Variants in CTNNA3 observed in about 807,000 individuals in gnomAD.
CTNNA3 encodes the protein catenin alpha 3.
In CTNNA3, 76 loss-of-function variants were observed where a neutral mutation model predicts 95.7. The observed-to-expected ratio is 0.79, with a 90% CI of 0.66 to 0.96. The LOEUF (loss-of-function observed/expected upper bound fraction) is 0.96, where lower values mean the gene tolerates loss of function less well. CTNNA3 is among the 40% of genes least tolerant of loss of function. The probability of loss-of-function intolerance (pLI) is 0.00; values close to 1 mark genes in which losing one functional copy is unlikely to be tolerated. For missense variants in CTNNA3, 1,191 were observed against 1,089.8 expected (o/e 1.09, Z -1.31); for synonymous variants, 431 against 374.4 (o/e 1.15, Z -1.74).
intron 7 of CTNNA3, among the ~76,000 whole-genome samples, chr10:66,880,859 AAGTTAC>A (rs1229313706): frequency 6.6e-6 from 1 of 152,174 alleles, no homozygotes; most frequent in Non-Finnish European, 1.5e-5. Flanking sequence ...CGTAACCCTG[AAGTTAC>A]AGCCTTACAA....
rs555007173 is a variant in CTNNA3 at position 67,274,778 on chromosome 10, T to C, written c.580-54908A>G. On this transcript the variant is annotated intron_variant, in intron 5 of 17. Coordinates refer to ENST00000433211, the MANE Select transcript of CTNNA3 (RefSeq NM_013266.4). ...AGGAGGTCAAAGCCACAGTGAGCCATGATCATGTCATGGCACTCCAGGCTG... is the reference window on the plus strand; with the variant it reads ...AGGAGGTCAAAGCCACAGTGAGCCACGATCATGTCATGGCACTCCAGGCTG... Among the ~76,000 whole-genome samples, 3 of 152,096 alleles carry C rather than the reference T, an allele frequency of 2.0e-5. No homozygotes were observed. In the South Asian group the frequency reaches 6.2e-4, roughly 32 times the overall value.
At chr10:65,976,213 C>T (rs755408350) in intron 16 of CTNNA3, among the ~76,000 whole-genome samples, 3 of 152,042 alleles carry the variant, frequency 2.0e-5, no homozygotes, top group Non-Finnish European at 4.4e-5. Flanking sequence ...ATTAAATTGT[C>T]ATTCTGATTT....
chr10:66,490,798 G>A (rs548982005), intron 11 of CTNNA3, among the ~76,000 whole-genome samples: 10 of 152,290 alleles, frequency 6.6e-5, no homozygotes, highest in African/African-American at 2.4e-4. Flanking sequence ...GCATGAGGAA[G>A]CAAGTTTCAA....
chr10:66,083,893 T>C (rs777896269), intron 14 of CTNNA3, among the ~76,000 whole-genome samples: 2 of 152,094 alleles, frequency 1.3e-5, no homozygotes, highest in Admixed American at 1.3e-4. Flanking sequence ...CCCAGCACTT[T>C]GGGAGGCCGA....
rs1326179826 is a variant in CTNNA3 at position 67,080,423 on chromosome 10, A to C, written c.1047+99894T>G. Among the ~76,000 whole-genome samples the C allele has an allele frequency of 2.6e-5, 4 of 152,208 alleles. No homozygotes were observed. In the East Asian group the frequency reaches 7.7e-4, roughly 29 times the overall value. On this transcript the variant is annotated intron_variant, in intron 7 of 17. Coordinates refer to ENST00000433211, the MANE Select transcript of CTNNA3 (RefSeq NM_013266.4). ...TTAAATAAACTGATGTTAATGAAAAAACTGAATTCTGCATATAATTCCCAC... is the reference window on the plus strand; with the variant it reads ...TTAAATAAACTGATGTTAATGAAAACACTGAATTCTGCATATAATTCCCAC...
chr10:66,714,737 T>C (rs554087427), intron 9 of CTNNA3, among the ~76,000 whole-genome samples: 1 of 152,240 alleles, frequency 6.6e-6, no homozygotes, highest in Admixed American at 6.5e-5. Context: ...GGCCCAGCCA[T>C]CTGTGTTTCA....
intron 7 of CTNNA3, among the ~76,000 whole-genome samples, chr10:66,994,568 TAAGTACCAAGGATACCTA>T (rs1464564741): frequency 6.6e-6 from 1 of 152,162 alleles, no homozygotes; most frequent in Non-Finnish European, 1.5e-5. Flanking sequence ...AAAATAGCAT[TAAGTACCAAGGATACCTA>T]AAGTTCATTA....
At chr10:66,535,519 C>A (rs1564517961) in intron 10 of CTNNA3, among the ~76,000 whole-genome samples, 1 of 152,154 alleles carries the variant, frequency 6.6e-6, no homozygotes. Flanking sequence ...ATATAGGTGA[C>A]AAACCTACAA....
At chr10:66,063,072 T>G (rs1215649728) in intron 15 of CTNNA3, among the ~76,000 whole-genome samples, 2 of 151,860 alleles carry the variant, frequency 1.3e-5, no homozygotes, top group Non-Finnish European at 2.9e-5. Context: ...GCTGTTATTT[T>G]TCCACTTTGG....
chr10:67,681,324 G>A (rs1316842203), intron 1 of CTNNA3, among the ~76,000 whole-genome samples: 1 of 152,006 alleles, frequency 6.6e-6, no homozygotes, highest in Admixed American at 6.5e-5. Context: ...GAAAAAATAG[G>A]AACAAATATT....
intron 9 of CTNNA3, among the ~76,000 whole-genome samples, chr10:66,709,815 A>G (rs1848233783): frequency 6.6e-6 from 1 of 152,096 alleles, no homozygotes; most frequent in African/African-American, 2.4e-5. Flanking sequence ...TATGTACAAT[A>G]CCAACAAACA....
At chr10:66,163,388 C>T (rs1265964226) in intron 13 of CTNNA3, among the ~76,000 whole-genome samples, 3 of 152,150 alleles carry the variant, frequency 2.0e-5, no homozygotes, top group Non-Finnish European at 4.4e-5. Flanking sequence ...GGCCTTTCTG[C>T]TGCTTTCTCT....
At chr10:66,567,154 T>C (rs1329083535) in intron 10 of CTNNA3, among the ~76,000 whole-genome samples, 2 of 124,418 alleles carry the variant, frequency 1.6e-5, no homozygotes, top group South Asian at 2.7e-4. Flanking sequence ...CTCAATATTA[T>C]GAACAGGGAA....
intron 13 of CTNNA3, among the ~76,000 whole-genome samples, chr10:66,267,499 T>C (rs957582921): frequency 1.3e-5 from 2 of 152,186 alleles, no homozygotes; most frequent in Non-Finnish European, 2.9e-5. Flanking sequence ...CTTATCACAA[T>C]GTATTCCTGT....
intron 13 of CTNNA3, among the ~76,000 whole-genome samples, chr10:66,166,884 T>G (rs2085158931): frequency 1.3e-5 from 2 of 151,746 alleles, no homozygotes; most frequent in African/African-American, 4.8e-5. Flanking sequence ...GTCGATAGAG[T>G]TCATGTAACA....
intron 11 of CTNNA3, among the ~76,000 whole-genome samples, chr10:66,448,165 A>T (rs1322269120): frequency 6.6e-6 from 1 of 152,152 alleles, no homozygotes; most frequent in Non-Finnish European, 1.5e-5. Context: ...ATCATTAAAA[A>T]GTCAGGAAAC....
intron 7 of CTNNA3, among the ~76,000 whole-genome samples, chr10:67,116,484 C>A (rs888738485): frequency 2.6e-5 from 4 of 151,856 alleles, no homozygotes; most frequent in Non-Finnish European, 5.9e-5. Flanking sequence ...CTTGGCTTCT[C>A]TGCCCTTAGT....
chr10:66,571,637 A>T (rs1183372358), intron 10 of CTNNA3, among the ~76,000 whole-genome samples: 1 of 152,214 alleles, frequency 6.6e-6, no homozygotes, highest in Non-Finnish European at 1.5e-5. Flanking sequence ...AGACTAATGA[A>T]CAAAAAGAAA....
At chr10:66,987,619 G>T (rs1002163495) in intron 7 of CTNNA3, among the ~76,000 whole-genome samples, 3 of 152,154 alleles carry the variant, frequency 2.0e-5, no homozygotes, top group Non-Finnish European at 4.4e-5. Flanking sequence ...AATCATTGAG[G>T]AAATGTCTTG....
Sources: gnomAD v4.1 joint callset for allele counts (sites outside exome capture counted in the v4.1 genomes callset) on GRCh38, gnomAD v4.1.1 for gene constraint, MANE v1.5 for transcripts, NCBI Gene and HGNC (gene_info 2026-07-23, HGNC 2026-07-21) for gene names.